The following TIGD4 variants were observed in gnomAD, a reference collection of about 807,000 sequenced individuals.
TIGD4 encodes tigger transposable element derived 4.
Under a neutral mutation model 24.9 loss-of-function variants are expected in TIGD4, and 20 were observed. That is an observed-to-expected ratio of 0.80 (90% confidence interval 0.56 to 1.17). The LOEUF is 1.17. TIGD4 is among the 50% of genes most tolerant of loss of function. The pLI, the probability that TIGD4 is intolerant of heterozygous loss-of-function variation, is 0.00. For synonymous variants in TIGD4, 193 were observed against 211.0 expected (o/e 0.91, Z 0.74); for missense variants, 566 against 591.0 (o/e 0.96, Z 0.44).
chr4:152,776,860 T>G (rs556785555), intron 1 of TIGD4, among the ~76,000 whole-genome samples: 4 of 152,262 alleles, frequency 2.6e-5, no homozygotes, highest in Admixed American at 6.5e-5. Context: ...AATCAAAGGC[T>G]GTAAGATCCA....
At position 152,770,942 on chromosome 4, in the gene TIGD4, T is replaced by C. The variant is rs377316836; in HGVS notation, c.63A>G (p.Leu21=). 2.1e-5 allele frequency: 34 copies of C among 1,612,734 alleles called. No homozygotes were observed. Among genetic ancestry groups the C allele is most frequent in the Middle Eastern group, 1.6e-4 (1 of 6,084 alleles). ...LPVTVKKKKS[L]SIEEKIDIIN... is the part of the protein sequence containing the mutation. ...TGATGTCGATCTTTTCCTCAATGGA[T>C]AGGCTTTTCTTTTTCTTCACTGTTA... The change falls in exon 2 of 2, where the codon CTA becomes CTG. Residue 21 remains leucine (L), a synonymous_variant. Transcript: ENST00000304337.
chr4:152,777,800 C>T (rs905027371), intron 1 of TIGD4, among the ~76,000 whole-genome samples: 7 of 152,168 alleles, frequency 4.6e-5, no homozygotes, highest in Middle Eastern at 3.4e-3. Flanking sequence ...ATCCAAAGAA[C>T]GCTGGTTTGC....
intron 1 of TIGD4, among the ~76,000 whole-genome samples, chr4:152,775,121 TAGTC>T (rs1259504230): frequency 6.6e-6 from 1 of 152,168 alleles, no homozygotes; most frequent in Non-Finnish European, 1.5e-5. Flanking sequence ...TTCACCGTGT[TAGTC>T]AGGATGGTCT....
At chr4:152,777,530 GAGGA>G (rs1158872244) in intron 1 of TIGD4, among the ~76,000 whole-genome samples, 129 of 142,316 alleles carry the variant, frequency 9.1e-4, no homozygotes, top group African/African-American at 3.1e-3. Context: ...GGGAGGGAGG[GAGGA>G]AGGAAGGAAG....
intron 1 of TIGD4, among the ~76,000 whole-genome samples, chr4:152,775,522 G>T (rs1702924184): frequency 6.6e-6 from 1 of 152,318 alleles, no homozygotes; most frequent in Admixed American, 6.5e-5. Context: ...CCTTGCTGTT[G>T]TAGGACTATG....
rs771175286 is a variant in TIGD4 at position 152,770,395 on chromosome 4, A to G, written c.610T>C (p.Cys204Arg). 7 of 1,614,022 alleles carry G rather than the reference A, an allele frequency of 4.3e-6. No individual in the cohort carries two copies. The South Asian group carries it at 6.6e-5, about 15-fold the overall frequency. The change falls in exon 2 of 2, where the codon TGT becomes CGT. Residue 204 changes from cysteine to arginine, a missense_variant. Physicochemically the swap from Cys to Arg is radical, Grantham distance 180. Coordinates refer to ENST00000304337, the MANE Select transcript of TIGD4 (RefSeq NM_145720.4). ...TNTFAFKGET[C>R]SVGKLCKDRI... ...TCTTTGCATAACTTTCCAACTGAAC[A>G]TGTTTCGCCTTTAAATGCAAATGTA...
chr4:152,773,323 C>A (rs1730208885), intron 1 of TIGD4, among the ~76,000 whole-genome samples: 2 of 152,064 alleles, frequency 1.3e-5, no homozygotes, highest in African/African-American at 4.8e-5. Flanking sequence ...GGAATTACAA[C>A]CAGTAAAGGA....
At chr4:152,772,117 T>A (rs575027257) in intron 1 of TIGD4, among the ~76,000 whole-genome samples, 3 of 152,324 alleles carry the variant, frequency 2.0e-5, no homozygotes, top group East Asian at 3.9e-4. Flanking sequence ...TGATTTAAAA[T>A]TTTTCTCTCT....
intron 1 of TIGD4, among the ~76,000 whole-genome samples, chr4:152,774,462 C>A (rs1222101260): frequency 2.0e-5 from 3 of 152,232 alleles, no homozygotes; most frequent in African/African-American, 7.2e-5. Flanking sequence ...AACAGTATAA[C>A]ATCTGGGATA....
chr4:152,774,632 A>C (rs1730232456), intron 1 of TIGD4, among the ~76,000 whole-genome samples: 1 of 152,248 alleles, frequency 6.6e-6, no homozygotes, highest in African/African-American at 2.4e-5. Context: ...CTAATCAGAA[A>C]ATAAGAATAT....
At chr4:152,777,199 C>A (rs973912564) in intron 1 of TIGD4, among the ~76,000 whole-genome samples, 4 of 152,138 alleles carry the variant, frequency 2.6e-5, no homozygotes, top group Non-Finnish European at 4.4e-5. Context: ...TCTTGGTAAG[C>A]CTTTAATGCC....
chr4:152,769,535 A>G lies in TIGD4; in HGVS notation c.1470T>C (p.Asp490=), dbSNP rs760303648. ...DTLKKFLRSQ[D]MNDGLQNSLA... The stretch of plus-strand genomic sequence containing the variant: ...AAGAATTTTGAAGTCCGTCATTCAT[A>G]TCTTGACTTCTGAGAAATTTTTTCA... The change falls in exon 2 of 2, where the codon GAT becomes GAC. Residue 490 remains aspartate (D), a synonymous_variant. Coordinates refer to ENST00000304337, the MANE Select transcript of TIGD4 (RefSeq NM_145720.4). 1.2e-6 allele frequency: 2 copies of G among 1,603,168 alleles called. No individual in the cohort carries two copies. The highest frequency in any genetic ancestry group is 1.7e-6 in the Non-Finnish European group (2 of 1,176,298).
Position 152,769,419 on chromosome 4 carries a change from A to C in TIGD4, c.*47T>G. 1 of 1,317,892 alleles carries C rather than the reference A, an allele frequency of 7.6e-7. No homozygotes were observed. Among genetic ancestry groups the C allele is most frequent in the Non-Finnish European group, 1.0e-6 (1 of 974,660 alleles). The allele number at this position is 1,317,892 out of a possible 1,614,324, so 81.6% of individuals were successfully genotyped here. A position where few individuals can be genotyped will look rare whatever the true frequency, so the allele number is the denominator to read the frequency against. ...AACTCCTTTACATACCTTATATAAT[A>C]AAATGTATCAGGAAAAGCTATTACT... On this transcript the variant is annotated 3_prime_UTR_variant, in exon 2 of 2. Transcript: ENST00000304337.
rs768332974 is a variant in TIGD4, at chr4:152,770,911, C to A, written c.94G>T (p.Ala32Ser). Residue 32 changes from alanine to serine, a missense_variant, in exon 2 of 2, where the codon GCA becomes TCA. Physicochemically the swap from Ala to Ser is moderately conservative, Grantham distance 99. Coordinates refer to ENST00000304337, the MANE Select transcript of TIGD4 (RefSeq NM_145720.4). ...SIEEKIDIINAVESGKKKAEI... is the reference protein window; with the variant it reads ...SIEEKIDIINSVESGKKKAEI... ...GCTTTTTTCTTGCCACTTTCCACTGCATTTATGATGTCGATCTTTTCCTCA... is the reference window on the plus strand; with the variant it reads ...GCTTTTTTCTTGCCACTTTCCACTGAATTTATGATGTCGATCTTTTCCTCA... The A allele has an allele frequency of 6.2e-7, 1 of 1,613,954 alleles. No homozygotes were observed. Among genetic ancestry groups the A allele is most frequent in the South Asian group, 1.1e-5 (1 of 91,050 alleles).
Position 152,769,921 on chromosome 4 carries a change from A to C in TIGD4, c.1084T>G (p.Cys362Gly). The C allele has an allele frequency of 1.2e-6, 2 of 1,613,758 alleles. No homozygotes were observed. The highest frequency in any genetic ancestry group is 1.7e-6 in the Non-Finnish European group (2 of 1,179,648). The change falls in exon 2 of 2, where the codon TGC becomes GGC. Residue 362 changes from cysteine (C) to glycine (G), a missense_variant. Cys to Gly is a radical substitution (Grantham distance 159). Transcript: ENST00000304337. ...GTCTCTGGGGTTACAGCCCTCCAGC[A>C]AAGATGCAATGTATCAACTGCATCT... is the stretch of plus-strand genomic sequence containing the variant. The part of the protein sequence containing the change: ...LLDAVDTLHL[C>G]WRAVTPETIV...
At chr4:152,774,947 G>A (rs1037142598) in intron 1 of TIGD4, among the ~76,000 whole-genome samples, 4 of 148,418 alleles carry the variant, frequency 2.7e-5, no homozygotes, top group South Asian at 2.1e-4. Flanking sequence ...AGGGAGTATC[G>A]CTTTGTCACC....
At chr4:152,772,109 AT>A (rs1730187542) in intron 1 of TIGD4, among the ~76,000 whole-genome samples, 1 of 152,182 alleles carries the variant, frequency 6.6e-6, no homozygotes, top group African/African-American at 2.4e-5. Context: ...TATTTTTATG[AT>A]TTAAAATTTT....
rs532302824 is a variant in TIGD4, at chr4:152,779,343, G to A, written c.-539+139C>T. 144 of 152,376 alleles carry A rather than the reference G, an allele frequency of 9.5e-4. 1 individual carries two copies. The highest frequency in any genetic ancestry group is 1.8e-3 in the Non-Finnish European group (121 of 68,072). 9.4% of individuals were successfully genotyped at this position (152,376 alleles called of 1,614,324 possible). On this transcript the variant is annotated intron_variant, in intron 1 of 1. Coordinates refer to ENST00000304337, the MANE Select transcript of TIGD4 (RefSeq NM_145720.4). Reference sequence around the variant, plus strand: ...AGCAAGTAAGAGCTCAGGGATGCCGGGCCCGGGGGTCTAGCCTTTCTGAAG... The same window carrying A: ...AGCAAGTAAGAGCTCAGGGATGCCGAGCCCGGGGGTCTAGCCTTTCTGAAG...
intron 1 of TIGD4, among the ~76,000 whole-genome samples, chr4:152,775,236 A>C (rs750634355): frequency 6.6e-6 from 1 of 152,206 alleles, no homozygotes; most frequent in South Asian, 2.1e-4. Flanking sequence ...TTTTATCCCA[A>C]AAGAATAATT....
Sources: allele counts gnomAD v4.1 joint callset (sites outside exome capture counted in the v4.1 genomes callset), GRCh38; gene constraint gnomAD v4.1.1; transcripts MANE v1.5; gene names NCBI Gene and HGNC (gene_info 2026-07-23, HGNC 2026-07-21).